The following CYP3A4 variants were observed in gnomAD, a reference collection of about 807,000 sequenced individuals.
CYP3A4 encodes cytochrome P450 family 3 subfamily A member 4, also known as cytochrome P450 3A4.
CYP3A4 carries 41 observed loss-of-function variants against 54.9 expected under a neutral mutation model. That is an observed-to-expected ratio of 0.75 (90% confidence interval 0.58 to 0.97). The LOEUF (loss-of-function observed/expected upper bound fraction) is 0.97. Ranked by LOEUF, CYP3A4 falls within the 50% of genes least tolerant of loss-of-function variation. The pLI is 0.00. For missense variants in CYP3A4, 510 were observed against 597.3 expected (o/e 0.85, Z 1.52); for synonymous variants, 179 against 205.2 (o/e 0.87, Z 1.09).
At chr7:99,769,984 A>T in intron 5 of CYP3A4, 128 bp from the exon 6 acceptor site, 5 of 1,561,562 alleles carry the variant, frequency 3.2e-6, no homozygotes, top group Non-Finnish European at 4.4e-6. Context: ...TTTTCTGTAC[A>T]TAAAGATAAA....
chr7:99,759,156 G>A (rs914022312), intron 12 of CYP3A4, among the ~76,000 whole-genome samples: 34 of 152,120 alleles, frequency 2.2e-4, no homozygotes, highest in Non-Finnish European at 1.0e-4. Flanking sequence ...AAATAATATG[G>A]AATATGGAAA....
intron 4 of CYP3A4, 79 bp from the exon 5 acceptor site, chr7:99,770,314 A>G: frequency 3.0e-6 from 4 of 1,328,614 alleles, no homozygotes; most frequent in Non-Finnish European, 3.2e-6. Flanking sequence ...GTTAAACAGG[A>G]ACACTTATTC....
chr7:99,760,827 C>G lies in CYP3A4; in HGVS notation c.1408G>C (p.Glu470Gln). The part of the protein sequence containing the change: ...LQNFSFKPCK[E>Q]TQIPLKLSLG... ...ATAGAAAATTGACTAACCTGTGTTT[C>G]TTTACAAGGTTTGAAGGAGAAGTTC... The change falls in exon 12 of 13, where the codon GAA becomes CAA. Residue 470 changes from glutamate (E) to glutamine (Q), a missense_variant. By Grantham distance (29) the Glu-to-Gln change is conservative (BLOSUM62 2). Coordinates refer to ENST00000651514, the MANE Select transcript of CYP3A4 (RefSeq NM_017460.6). 6.2e-7 allele frequency: 1 copy of G among 1,613,854 alleles called. No individual in the cohort carries two copies. Among genetic ancestry groups the G allele is most frequent in the Non-Finnish European group, 8.5e-7 (1 of 1,179,882 alleles).
intron 3 of CYP3A4, among the ~76,000 whole-genome samples, chr7:99,775,089 A>G (rs532499758): frequency 9.2e-4 from 140 of 152,302 alleles, no homozygotes; most frequent in African/African-American, 3.3e-3. Context: ...CCCATTCACA[A>G]TTACTACAAA....
chr7:99,778,073 C>A lies in CYP3A4; in HGVS notation c.173G>T (p.Cys58Phe). The A allele has an allele frequency of 6.2e-7, 1 of 1,612,248 alleles. No individual in the cohort carries two copies. The highest frequency in any genetic ancestry group is 8.5e-7 in the Non-Finnish European group (1 of 1,178,588). The part of the protein sequence containing the change: ...GNILSYHKGF[C>F]MFDMECHKKY... ...TTTATGACATTCCATGTCAAACATACAAAAGCCCTGGGAGGAGAAACAAAA... is the reference window on the plus strand; with the variant it reads ...TTTATGACATTCCATGTCAAACATAAAAAAGCCCTGGGAGGAGAAACAAAA... The change falls in exon 3 of 13, where the codon TGT (cysteine) becomes TTT (phenylalanine). Residue 58 changes from cysteine to phenylalanine, a missense_variant. This residue lies in a region of CYP3A4 where 272 missense variants were observed against 274.9 expected (regional missense o/e 0.99). Transcript: ENST00000651514.
chr7:99,767,343 C>T, intron 7 of CYP3A4, 85 bp from the exon 8 acceptor site: 1 of 1,235,456 alleles, frequency 8.1e-7, no homozygotes, highest in Non-Finnish European at 1.1e-6. Flanking sequence ...GTTTTCTCTA[C>T]CAACCAGAAG....
chr7:99,780,112 A>C (rs768910026), intron 1 of CYP3A4, 27 bp from the exon 2 acceptor site: 2 of 1,601,746 alleles, frequency 1.2e-6, no homozygotes, highest in Non-Finnish European at 1.7e-6. Context: ...AAATCAAGTC[A>C]CAGCGATTGT....
intron 1 of CYP3A4, among the ~76,000 whole-genome samples, chr7:99,783,762 C>T (rs1815987270): frequency 6.6e-6 from 1 of 152,046 alleles, no homozygotes; most frequent in African/African-American, 2.4e-5. Context: ...GCGTGCACCA[C>T]CATGCCCAGC....
rs1275615803 is a variant in CYP3A4, at chr7:99,778,027, C to T, written c.218+1G>A. On this transcript the variant is annotated splice_donor_variant, in intron 3 of 12. Transcript: ENST00000651514. LOFTEE classifies it high-confidence loss of function. The stretch of plus-strand genomic sequence containing the variant: ...CCAATGGAAGTTTCCAGAATACTCA[C>T]CCCCACACTTTTCCATACTTTTTAT... The T allele has an allele frequency of 6.2e-7, 1 of 1,612,146 alleles. No individual in the cohort carries two copies. The highest frequency in any genetic ancestry group is 8.5e-7 in the Non-Finnish European group (1 of 1,178,354).
intron 2 of CYP3A4, among the ~76,000 whole-genome samples, 157 bp downstream of exon 2, chr7:99,779,835 T>C (rs1815868497): frequency 6.6e-6 from 1 of 152,158 alleles, no homozygotes; most frequent in Non-Finnish European, 1.5e-5. Flanking sequence ...AAGAGAGCCC[T>C]TGGGTAAACA....
At chr7:99,780,363 G>A (rs1815888765) in intron 1 of CYP3A4, among the ~76,000 whole-genome samples, 2 of 152,194 alleles carry the variant, frequency 1.3e-5, no homozygotes, top group Admixed American at 1.3e-4. Flanking sequence ...GTTCTCAAAT[G>A]TGAATGATCC....
intron 9 of CYP3A4, among the ~76,000 whole-genome samples, chr7:99,764,350 C>T (rs1379460306): frequency 6.6e-6 from 1 of 152,082 alleles, no homozygotes; most frequent in Non-Finnish European, 1.5e-5. Context: ...TTGAATGATC[C>T]TAAAAGTACT....
chr7:99,784,102 T>C lies in CYP3A4; in HGVS notation c.-21A>G. ...GCCATCACTACTTTCCTTACTTATC[T>C]CTCTCCTCTGAGTCTTCCTTTCAGC... On this transcript the variant is annotated 5_prime_UTR_variant, in exon 1 of 13. Coordinates refer to ENST00000651514, the MANE Select transcript of CYP3A4 (RefSeq NM_017460.6). 1 of 1,607,740 alleles carries C rather than the reference T, an allele frequency of 6.2e-7. No individual in the cohort carries two copies.
intron 3 of CYP3A4, among the ~76,000 whole-genome samples, chr7:99,773,199 G>C: frequency 6.6e-6 from 1 of 152,064 alleles, no homozygotes; most frequent in East Asian, 1.9e-4. Flanking sequence ...CATAAAGCAA[G>C]TTCTTAGAGA....
At chr7:99,767,035 T>C (rs577699651) in intron 8 of CYP3A4, 96 bp downstream of exon 8, 1 of 1,193,870 alleles carries the variant, frequency 8.4e-7, no homozygotes, top group East Asian at 2.5e-5. Flanking sequence ...AAAAGCATTC[T>C]TTAAAAACAT....
chr7:99,763,818 C>T, intron 10 of CYP3A4, 37 bp downstream of exon 10: 2 of 1,612,546 alleles, frequency 1.2e-6, no homozygotes, highest in South Asian at 1.1e-5. Context: ...GCTAAGGTTT[C>T]ACCTCCTCCC....
intron 8 of CYP3A4, 62 bp downstream of exon 8, chr7:99,767,069 G>T (rs41280947): frequency 1.6e-4 from 239 of 1,485,882 alleles, no homozygotes; most frequent in Non-Finnish European, 1.4e-5. Flanking sequence ...CTGATCATAT[G>T]TATATTATCT....
In CYP3A4 at chr7:99,782,648, T is replaced by A. The variant is rs1002555313; in HGVS notation, c.71+1363A>T. ...ACTACGGGGCCAGGACCCATGAATA[T>A]CTCTTTGGAGTTCTACCCTGAGGGA... On this transcript the variant is annotated intron_variant, in intron 1 of 12. Transcript: ENST00000651514. Among the ~76,000 whole-genome samples, 67 of 152,050 alleles carry A rather than the reference T, an allele frequency of 4.4e-4. 1 individual carries two copies. Among genetic ancestry groups the A allele is most frequent in the Non-Finnish European group, 9.0e-4 (61 of 68,012 alleles).
chr7:99,769,093 C>T (rs763616986), intron 6 of CYP3A4, among the ~76,000 whole-genome samples: 1 of 151,998 alleles, frequency 6.6e-6, no homozygotes, highest in Non-Finnish European at 1.5e-5. Flanking sequence ...AATATAATGA[C>T]CAATAATGTC....
Sources: allele counts gnomAD v4.1 joint callset (sites outside exome capture counted in the v4.1 genomes callset), GRCh38; gene constraint gnomAD v4.1.1; regional missense constraint gnomAD v4.1.1; transcripts MANE v1.5; gene names NCBI Gene and HGNC (gene_info 2026-07-23, HGNC 2026-07-21).